The following EPHA10 variants were observed in gnomAD, a reference collection of about 807,000 sequenced individuals.
The protein encoded by EPHA10 is ephrin type-A receptor 10.
In EPHA10, 120 loss-of-function variants were observed where a neutral mutation model predicts 109.7. The observed-to-expected ratio is 1.09, with a 90% CI of 0.94 to 1.27. The LOEUF is 1.27. EPHA10 is among the 50% of genes most tolerant of loss of function. The probability of loss-of-function intolerance (pLI) is 0.00; values close to 1 mark genes in which losing one functional copy is unlikely to be tolerated. For missense variants in EPHA10, 1,396 were observed against 1,411.1 expected, an observed-to-expected ratio of 0.99 and a Z score of 0.17; for synonymous variants, 640 against 618.9, an observed-to-expected ratio of 1.03 and a Z score of -0.51.
rs189994728 is a variant in EPHA10, at chr1:37,723,372, C to T, written c.1773G>A (p.Arg591=). ...SVMSVLAIWR[R]PCSYGKGGGD... ...CTCCTCCTTTGCCATAGCTGCAGGG[C>T]CTGGCAGGGAGTTCAGGGTCATTCT... Residue 591 remains arginine (R), a splice_region_variant and synonymous_variant, in exon 9 of 17, where the codon AGG becomes AGA. Coordinates refer to ENST00000373048, the MANE Select transcript of EPHA10 (RefSeq NM_001099439.2). 7 of 1,614,124 alleles carry T rather than the reference C, an allele frequency of 4.3e-6. No homozygotes were observed. The highest frequency in any genetic ancestry group is 5.9e-6 in the Non-Finnish European group (7 of 1,180,002).
intron 8 of EPHA10, among the ~76,000 whole-genome samples, chr1:37,725,869 C>T (rs1645882551): frequency 6.6e-6 from 1 of 152,142 alleles, no homozygotes; most frequent in African/African-American, 2.4e-5. Flanking sequence ...GGGACCATGG[C>T]GCAGAGCAGG....
intron 5 of EPHA10, among the ~76,000 whole-genome samples, chr1:37,737,648 A>G (rs1306189603): frequency 6.6e-6 from 1 of 152,258 alleles, no homozygotes; most frequent in Non-Finnish European, 1.5e-5. Context: ...ATCTGAAATG[A>G]TAAAACTCCT....
chr1:37,761,125 A>C, intron 3 of EPHA10: 1 of 1,232,210 alleles, frequency 8.1e-7, no homozygotes, highest in East Asian at 3.2e-5. Context: ...CTTTATTGCC[A>C]TGAAAATAAA....
chr1:37,735,366 C>T lies in EPHA10; in HGVS notation c.1382G>A (p.Arg461His). 2 of 1,579,370 alleles carry T rather than the reference C, an allele frequency of 1.3e-6. No individual in the cohort carries two copies. Among genetic ancestry groups the T allele is most frequent in the Non-Finnish European group, 1.7e-6 (2 of 1,162,620 alleles). ...GCTCTGGGGTTCCACTCGGTCCCTGCGGATCTCATCCTCCTCCCAGGGCGC... is the reference window on the plus strand; with the variant it reads ...GCTCTGGGGTTCCACTCGGTCCCTGTGGATCTCATCCTCCTCCCAGGGCGC... ...PGAPWEEDEI[R>H]RDRVEPQSVS... The change falls in exon 6 of 17, where the codon CGC becomes CAC. Residue 461 changes from arginine (R) to histidine (H), a missense_variant. Arg to His is a conservative substitution (Grantham distance 29). Coordinates refer to ENST00000373048, the MANE Select transcript of EPHA10 (RefSeq NM_001099439.2).
chr1:37,763,415 A>T (rs1445593623), intron 1 of EPHA10, among the ~76,000 whole-genome samples: 1 of 152,186 alleles, frequency 6.6e-6, no homozygotes, highest in Non-Finnish European at 1.5e-5. Flanking sequence ...GGGCCCATCC[A>T]GATAATCTAA....
chr1:37,751,179 G>T (rs1569748333), intron 5 of EPHA10, among the ~76,000 whole-genome samples: 1 of 126,846 alleles, frequency 7.9e-6, no homozygotes, highest in Non-Finnish European at 1.6e-5. Context: ...CTCCAGCCTG[G>T]GCAACAGAGC....
rs1645726278 is a variant in EPHA10, at chr1:37,718,384, C to A, written c.3015G>T (p.Gly1005=). 3 of 1,609,624 alleles carry A rather than the reference C, an allele frequency of 1.9e-6. No homozygotes were observed. The highest frequency in any genetic ancestry group is 1.3e-5 in the African/African-American group (1 of 74,894). The change falls in exon 17 of 17, where the codon GGG becomes GGT. Residue 1005 remains glycine (G), a synonymous_variant. Coordinates refer to ENST00000373048, the MANE Select transcript of EPHA10 (RefSeq NM_001099439.2). ...GAATGGGGTCCACTCACACCTGCAC[C>A]CCCTGGCCCTGCAGCTGGAGCACTC... The part of the protein sequence containing the change: ...QARVLQLQGQ[G]VQV
At chr1:37,756,658 G>A (rs1646394527) in intron 3 of EPHA10, 1 of 152,302 alleles carries the variant, frequency 6.6e-6, no homozygotes, top group Non-Finnish European at 1.5e-5. Context: ...GGCTGCCTTT[G>A]TTGAACAATG....
At position 37,754,798 on chromosome 1, in the gene EPHA10, ATTTATTT is replaced by A. The variant is rs1035814697; in HGVS notation, c.851-435_851-429del. Among the ~76,000 whole-genome samples, 1 of 151,728 alleles carries A rather than the reference ATTTATTT, an allele frequency of 6.6e-6. No homozygotes were observed. The highest frequency in any genetic ancestry group is 1.5e-5 in the Non-Finnish European group (1 of 67,966). ...ATATACTTTATCCTCTTTTTATTTT[ATTTATTT>A]TTTCTTTTTTCTTTTCGAGTCTCCT... On this transcript the variant is annotated intron_variant, in intron 3 of 16. Transcript: ENST00000373048. The surrounding 1 kb of genome is among the most constrained non-coding windows in gnomAD (Gnocchi z 4.5).
intron 5 of EPHA10, among the ~76,000 whole-genome samples, chr1:37,744,254 C>T (rs1249976267): frequency 6.6e-6 from 1 of 152,002 alleles, no homozygotes; most frequent in Non-Finnish European, 1.5e-5. Flanking sequence ...TGGTTCACTC[C>T]TGTAATCCCA....
intron 10 of EPHA10, among the ~76,000 whole-genome samples, chr1:37,722,482 C>T (rs1385535640): frequency 5.9e-5 from 9 of 152,186 alleles, no homozygotes; most frequent in Non-Finnish European, 2.9e-5. Flanking sequence ...TCTCTGAGCA[C>T]AGGAGGCTGA....
Position 37,718,402 on chromosome 1 carries a change from G to T in EPHA10, c.2997C>A (p.Leu999=), listed in dbSNP as rs1442951884. 1.9e-6 allele frequency: 3 copies of T among 1,612,598 alleles called. No individual in the cohort carries two copies. The highest frequency in any genetic ancestry group is 2.5e-6 in the Non-Finnish European group (3 of 1,179,610). ...CCTGCACCCCCTGGCCCTGCAGCTG[G>T]AGCACTCGTGCCTGCAGGGCGCTGA... is the stretch of plus-strand genomic sequence containing the variant. ...SGISALQARV[L]QLQGQGVQV The change falls in exon 17 of 17, where the codon CTC becomes CTA. Residue 999 remains leucine, a synonymous_variant. Coordinates refer to ENST00000373048, the MANE Select transcript of EPHA10 (RefSeq NM_001099439.2).
rs185125532 is a variant in EPHA10, at chr1:37,723,148, C to A, written c.1853G>T (p.Arg618Leu). ...LYFHFKVPTRRTFLDPQSCGD... is the reference protein window; with the variant it reads ...LYFHFKVPTRLTFLDPQSCGD... Reference sequence around the variant, plus strand: ...ACAGCTCTGGGGGTCCAGGAATGTGCGACGTGTTGGGACTTTGACTGGGAG... The same window carrying A: ...ACAGCTCTGGGGGTCCAGGAATGTGAGACGTGTTGGGACTTTGACTGGGAG... The change falls in exon 10 of 17, where the codon CGC becomes CTC. Residue 618 changes from arginine (R) to leucine (L), a missense_variant. By Grantham distance (102) the Arg-to-Leu change is moderately radical. Coordinates refer to ENST00000373048, the MANE Select transcript of EPHA10 (RefSeq NM_001099439.2). 2 of 1,613,738 alleles carry A rather than the reference C, an allele frequency of 1.2e-6. No homozygotes were observed. Among genetic ancestry groups the A allele is most frequent in the African/African-American group, 1.3e-5 (1 of 75,040 alleles).
At chr1:37,718,508 C>T (rs374586932) in intron 16 of EPHA10, 22 bp from the exon 17 acceptor site, 5 of 1,612,862 alleles carry the variant, frequency 3.1e-6, no homozygotes, top group Non-Finnish European at 4.2e-6. Context: ...GCTGGTCACA[C>T]TCGGCTGGCT....
rs1645983810 is a variant in EPHA10 at position 37,731,570 on chromosome 1, G to A, written c.1504C>T (p.Gln502Ter). 2 of 1,611,318 alleles carry A rather than the reference G, an allele frequency of 1.2e-6. No homozygotes were observed. Among genetic ancestry groups the A allele is most frequent in the Non-Finnish European group, 8.5e-7 (1 of 1,178,502 alleles). The change falls in exon 7 of 17, where the codon CAG (glutamine) becomes TAG (stop). Residue 502 changes from glutamine to a stop codon, truncating the protein, a stop_gained. Coordinates refer to ENST00000373048, the MANE Select transcript of EPHA10 (RefSeq NM_001099439.2). LOFTEE classifies it high-confidence loss of function. ...IRYYEKGQSE[Q>*]TYSMVKTGAP... ...CCTGTCTTCACCATGGAGTAAGTCTGCTCACTCTGACCCTGGAGAGAGATC... is the reference window on the plus strand; with the variant it reads ...CCTGTCTTCACCATGGAGTAAGTCTACTCACTCTGACCCTGGAGAGAGATC...
At position 37,753,057 on chromosome 1, in the gene EPHA10, G is replaced by A. The variant is rs1348693327; in HGVS notation, c.1176C>T (p.Cys392=). The A allele has an allele frequency of 5.6e-6, 7 of 1,257,064 alleles. No individual in the cohort carries two copies. In the East Asian group the frequency reaches 1.1e-4, roughly 19 times the overall value. 77.9% of individuals were successfully genotyped at this position (1,257,064 alleles called of 1,614,324 possible). The part of the protein sequence containing the change: ...REGPAGACEP[C]GPRVAFLPRQ... ...GCGGTAGGAAGGCCACGCGCGGCCC[G>A]CACGGCTCGCAGGCGCCCGCCGGGC... The change falls in exon 5 of 17, where the codon TGC becomes TGT. Residue 392 remains cysteine, a synonymous_variant. Coordinates refer to ENST00000373048, the MANE Select transcript of EPHA10 (RefSeq NM_001099439.2).
intron 5 of EPHA10, among the ~76,000 whole-genome samples, chr1:37,746,097 TTTTC>T (rs1268203679): frequency 2.3e-5 from 3 of 127,968 alleles, no homozygotes; most frequent in African/African-American, 9.0e-5. Flanking sequence ...TTTTCTTTTC[TTTTC>T]TTTTTTTTTT....
Position 37,764,930 on chromosome 1 carries a change from C to G in EPHA10, c.106+31G>C, listed in dbSNP as rs1273157374. The G allele has an allele frequency of 1.9e-6, 3 of 1,571,382 alleles. No individual in the cohort carries two copies. Among genetic ancestry groups the G allele is most frequent in the African/African-American group, 1.3e-5 (1 of 74,380 alleles). The stretch of plus-strand genomic sequence containing the variant: ...CAGCCCCCTATCTTTTGGTATGCCA[C>G]GCTCCGAGCAGAGCTCACCAGTCTT... On this transcript the variant is annotated intron_variant, in intron 1 of 16. Coordinates refer to ENST00000373048, the MANE Select transcript of EPHA10 (RefSeq NM_001099439.2). The surrounding 1 kb of genome is among the most constrained non-coding windows in gnomAD (Gnocchi z 5.8).
chr1:37,763,897 TCACTTCCACTG>T (rs1646454124), intron 1 of EPHA10, among the ~76,000 whole-genome samples: 1 of 152,182 alleles, frequency 6.6e-6, no homozygotes, highest in Non-Finnish European at 1.5e-5. Context: ...CCAGGGGCTG[TCACTTCCACTG>T]CTTTTGAAAG....
Sources: gnomAD v4.1 joint callset for allele counts (sites outside exome capture counted in the v4.1 genomes callset) on GRCh38, gnomAD v4.1.1 for gene constraint, Gnocchi (gnomAD v3.1) non-coding constraint, MANE v1.5 for transcripts, NCBI Gene and HGNC (gene_info 2026-07-23, HGNC 2026-07-21) for gene names.